The following CACNA1A variants were observed in gnomAD, a reference collection of about 807,000 sequenced individuals.
CACNA1A encodes the protein voltage-dependent P/Q-type calcium channel subunit alpha-1A.
A neutral mutation model predicts 262.4 loss-of-function variants in CACNA1A; 57 were observed. The ratio of observed to expected loss-of-function variants is 0.22; its 90% CI spans 0.18 to 0.27. The LOEUF is 0.27. Ranked by LOEUF, CACNA1A falls within the 10% of genes least tolerant of loss-of-function variation. The probability of loss-of-function intolerance (pLI) is 1.00; values close to 1 mark genes in which losing one functional copy is unlikely to be tolerated. For synonymous variants in CACNA1A, 1,431 were observed against 1,419.3 expected, an observed-to-expected ratio of 1.01 and a Z score of -0.18; for missense variants, 2,526 against 3,562.8, an observed-to-expected ratio of 0.71 and a Z score of 7.41.
At chr19:13,309,143 G>A (rs1041648945) in intron 12 of CACNA1A, among the ~76,000 whole-genome samples, 5 of 152,072 alleles carry the variant, frequency 3.3e-5, no homozygotes, top group African/African-American at 1.2e-4. Context: ...CAAGTAACTG[G>A]GATTACAGGC....
intron 3 of CACNA1A, among the ~76,000 whole-genome samples, chr19:13,402,898 A>G (rs1167738431): frequency 2.3e-5 from 3 of 131,404 alleles, no homozygotes; most frequent in Non-Finnish European, 4.9e-5. Context: ...ATATATATAT[A>G]TATATATATA....
intron 1 of CACNA1A, among the ~76,000 whole-genome samples, chr19:13,464,812 T>A (rs948635987): frequency 1.1e-4 from 16 of 152,120 alleles, no homozygotes; most frequent in Admixed American, 1.0e-3. Flanking sequence ...CCTCCCAAAG[T>A]GCTGGGATTA....
chr19:13,315,006 G>A (rs7256895), intron 11 of CACNA1A, among the ~76,000 whole-genome samples: 43,552 of 151,890 alleles, frequency 0.29, 6,694 homozygotes, highest in East Asian at 0.45. Flanking sequence ...CATGATAGCA[G>A]GTGATGCACA....
intron 3 of CACNA1A, among the ~76,000 whole-genome samples, chr19:13,384,477 C>T (rs1227783658): frequency 6.6e-6 from 1 of 152,180 alleles, no homozygotes. Flanking sequence ...GCAGGTGGAT[C>T]CCCTGAGGTT....
intron 38 of CACNA1A, among the ~76,000 whole-genome samples, chr19:13,221,223 T>TTTTC (rs1241932147): frequency 3.3e-5 from 1 of 30,214 alleles, no homozygotes; most frequent in East Asian, 1.2e-3. Flanking sequence ...TTTTCTTTTC[T>TTTTC]TTCTTTCTTT....
rs538079885 is a variant in CACNA1A at position 13,298,874 on chromosome 19, G to A, written c.2759C>T (p.Ala920Val). ...LEQPGFWEGEAERGKAGDPHR... is the reference protein window; with the variant it reads ...LEQPGFWEGEVERGKAGDPHR... ...GGGGTCCCCGGCCTTGCCTCGCTCG[G>A]CCTCGCCCTCCCAGAACCCGGGTTG... is the stretch of plus-strand genomic sequence containing the variant. The change falls in exon 19 of 47, where the codon GCC becomes GTC. Residue 920 changes from alanine to valine, a missense_variant. Coordinates refer to ENST00000360228, the MANE Select transcript of CACNA1A (RefSeq NM_001127222.2). The A allele has an allele frequency of 2.5e-6, 4 of 1,592,706 alleles. No individual in the cohort carries two copies. Among genetic ancestry groups the A allele is most frequent in the Non-Finnish European group, 2.5e-6 (3 of 1,177,304 alleles).
intron 3 of CACNA1A, among the ~76,000 whole-genome samples, chr19:13,399,064 T>C (rs1463175386): frequency 6.6e-6 from 1 of 152,194 alleles, no homozygotes; most frequent in Non-Finnish European, 1.5e-5. Flanking sequence ...GCAGAAATGC[T>C]GCTCGGGGCT....
chr19:13,257,773 C>T (rs769313691), intron 27 of CACNA1A: 15 of 371,168 alleles, frequency 4.0e-5, no homozygotes, highest in South Asian at 1.1e-4. Context: ...GTTTCGCTCT[C>T]GTTGCCCAGG....
At chr19:13,318,240 G>C (rs2058166752) in intron 10 of CACNA1A, among the ~76,000 whole-genome samples, 2 of 152,170 alleles carry the variant, frequency 1.3e-5, no homozygotes, top group African/African-American at 4.8e-5. Context: ...GTGTTGACTT[G>C]TCACTTTAGT....
chr19:13,264,877 C>CTTT (rs33923652), intron 24 of CACNA1A, among the ~76,000 whole-genome samples: 5 of 136,028 alleles, frequency 3.7e-5, no homozygotes, highest in African/African-American at 1.4e-4. Flanking sequence ...TCCCTTTAAT[C>CTTT]TTTTTTTTTT....
At chr19:13,315,007 G>A (rs754706256) in intron 11 of CACNA1A, among the ~76,000 whole-genome samples, 1 of 152,120 alleles carries the variant, frequency 6.6e-6, no homozygotes, top group Non-Finnish European at 1.5e-5. Context: ...ATGATAGCAG[G>A]TGATGCACAA....
rs758764777 is a variant in CACNA1A at position 13,490,721 on chromosome 19, GAA to G, written c.293+15209_293+15210del. Among the ~76,000 whole-genome samples the G allele has an allele frequency of 2.4e-4, 17 of 70,674 alleles. No homozygotes were observed. In the East Asian group the frequency reaches 2.8e-3, roughly 12 times the overall value. 46.4% of individuals were successfully genotyped at this position (70,674 alleles called of 152,430 possible). ...AGAAAGAAAGAAAGAAAGAAAGAAA[GAA>G]AGAAAGAAAGAGAAAAGAAAGAAAG... On this transcript the variant is annotated intron_variant, in intron 1 of 46. Coordinates refer to ENST00000360228, the MANE Select transcript of CACNA1A (RefSeq NM_001127222.2).
Position 13,308,635 on chromosome 19 carries a change from T to A in CACNA1A, c.1669-107A>T, listed in dbSNP as rs1275019830. The A allele has an allele frequency of 7.8e-6, 5 of 641,296 alleles. No homozygotes were observed. Among genetic ancestry groups the A allele is most frequent in the African/African-American group, 3.7e-5 (2 of 54,516 alleles). The allele number at this position is 641,296 out of a possible 1,614,324, so 39.7% of individuals were successfully genotyped here. A position where few individuals can be genotyped will look rare whatever the true frequency, so the allele number is the denominator to read the frequency against. ...GCAAGAACTCAACCAAACTCCTCCC[T>A]CCAAATGGAAGCCGGGTGAGGATCC... On this transcript the variant is annotated intron_variant, in intron 12 of 46. Transcript: ENST00000360228. The surrounding 1 kb of genome is among the most constrained non-coding windows in gnomAD (Gnocchi z 4.2).
intron 3 of CACNA1A, among the ~76,000 whole-genome samples, chr19:13,442,747 A>T (rs2060746663): frequency 6.6e-6 from 1 of 152,206 alleles, no homozygotes; most frequent in Admixed American, 6.5e-5. Flanking sequence ...CCATGGCGCT[A>T]GGCCAATCTC....
chr19:13,381,096 G>A (rs2059516642), intron 3 of CACNA1A, among the ~76,000 whole-genome samples: 3 of 152,040 alleles, frequency 2.0e-5, no homozygotes, highest in Admixed American at 2.0e-4. Flanking sequence ...TAAGAAGATC[G>A]TAGACCTGCT....
At chr19:13,333,167 T>C (rs949563326) in intron 8 of CACNA1A, among the ~76,000 whole-genome samples, 2 of 152,154 alleles carry the variant, frequency 1.3e-5, no homozygotes, top group Non-Finnish European at 2.9e-5. Flanking sequence ...CCACAGCCTA[T>C]AAGCCCCTGC....
intron 1 of CACNA1A, 74 bp from the exon 2 acceptor site, chr19:13,455,286 C>A (rs1157612193): frequency 1.2e-6 from 1 of 842,646 alleles, no homozygotes; most frequent in East Asian, 2.5e-5. Context: ...CCCACTGACC[C>A]CAGTGGAAAG....
intron 10 of CACNA1A, among the ~76,000 whole-genome samples, chr19:13,323,438 T>C (rs1305629812): frequency 3.9e-5 from 6 of 152,212 alleles, no homozygotes; most frequent in Non-Finnish European, 7.3e-5. Context: ...GGGATATGTA[T>C]GTTCAGATCC....
intron 6 of CACNA1A, among the ~76,000 whole-genome samples, chr19:13,338,285 G>A (rs1395276174): frequency 5.3e-5 from 8 of 151,526 alleles, no homozygotes; most frequent in Non-Finnish European, 1.0e-4. Flanking sequence ...TTATGTATTC[G>A]GTCCATTATG....
Sources: allele counts gnomAD v4.1 joint callset (sites outside exome capture counted in the v4.1 genomes callset), GRCh38; gene constraint gnomAD v4.1.1; non-coding constraint Gnocchi (gnomAD v3.1); transcripts MANE v1.5; gene names NCBI Gene and HGNC (gene_info 2026-07-23, HGNC 2026-07-21).